The following ERICH5 variants were observed in gnomAD, a reference collection of about 807,000 sequenced individuals.
The protein encoded by ERICH5 is glutamate-rich protein 5.
Under a neutral mutation model 28.0 loss-of-function variants are expected in ERICH5, and 24 were observed. That is an observed-to-expected ratio of 0.86 (90% CI 0.62 to 1.21). The LOEUF (loss-of-function observed/expected upper bound fraction) is 1.21, where lower values mean the gene tolerates loss of function less well. ERICH5 is among the 50% of genes most tolerant of loss of function. ERICH5 has a pLI of 0.00. For synonymous variants in ERICH5, 163 were observed against 157.6 expected (o/e 1.03, Z -0.25); for missense variants, 421 against 441.2 (o/e 0.95, Z 0.41).
At chr8:98,091,883 T>TC (rs879605573) in intron 2 of ERICH5, among the ~76,000 whole-genome samples, 1,816 of 90,632 alleles carry the variant, frequency 0.02, 21 homozygotes, top group Admixed American at 0.03. Flanking sequence ...TTTCTTTCTT[T>TC]CTTTCTTTCT....
chr8:98,092,007 C>CTTCCTTCCTTCCTTCCTTCCTTCCTTCT (rs1815418044), intron 2 of ERICH5, among the ~76,000 whole-genome samples: 1 of 135,356 alleles, frequency 7.4e-6, no homozygotes, highest in South Asian at 2.5e-4. Flanking sequence ...TCCTTCCTTC[C>CTTCCTTCCTTCCTTCCTTCCTTCCTTCT]TTCCTTCCTT....
intron 2 of ERICH5, among the ~76,000 whole-genome samples, chr8:98,090,999 G>A (rs575781658): frequency 1.2e-4 from 18 of 152,184 alleles, no homozygotes; most frequent in African/African-American, 4.3e-4. Flanking sequence ...GTGCAGTGAA[G>A]TGATCTCGGC....
At chr8:98,066,854 C>G (rs767694473) in intron 1 of ERICH5, among the ~76,000 whole-genome samples, 1 of 152,204 alleles carries the variant, frequency 6.6e-6, no homozygotes, top group Non-Finnish European at 1.5e-5. Context: ...CACCTTGCAA[C>G]TTCTTTAAAT....
In ERICH5 at chr8:98,070,660, C is replaced by CAAAAAAAAAAAAAAAAAAAAA. The variant is rs769042472; in HGVS notation, c.58+5935_58+5955dup. On this transcript the variant is annotated intron_variant, in intron 1 of 2. Coordinates refer to ENST00000318528, the MANE Select transcript of ERICH5 (RefSeq NM_173549.3). ...GGGCAACAAGAGTGAAACTGCATCT[C>CAAAAAAAAAAAAAAAAAAAAA]AAAAAAAAAAAAAAAAAAAAAAGAA... Among the ~76,000 whole-genome samples the CAAAAAAAAAAAAAAAAAAAAA allele has an allele frequency of 2.2e-3, 87 of 38,734 alleles. 2 individuals are homozygous for CAAAAAAAAAAAAAAAAAAAAA. Among genetic ancestry groups the CAAAAAAAAAAAAAAAAAAAAA allele is most frequent in the Non-Finnish European group, 3.6e-3 (70 of 19,420 alleles). The allele number at this position is 38,734 out of a possible 152,430, so 25.4% of individuals were successfully genotyped here. A position where few individuals can be genotyped will look rare whatever the true frequency, so the allele number is the denominator to read the frequency against.
intron 1 of ERICH5, among the ~76,000 whole-genome samples, chr8:98,070,950 G>A (rs1372433745): frequency 1.3e-5 from 2 of 152,114 alleles, no homozygotes; most frequent in Non-Finnish European, 2.9e-5. Context: ...GTAAAACAAC[G>A]CTTGATTGTC....
At chr8:98,087,281 C>G (rs1179742169) in intron 1 of ERICH5, among the ~76,000 whole-genome samples, 3 of 152,052 alleles carry the variant, frequency 2.0e-5, no homozygotes, top group South Asian at 4.2e-4. Flanking sequence ...TCCAAAACAG[C>G]TAAAAGAATT....
intron 1 of ERICH5, among the ~76,000 whole-genome samples, chr8:98,071,794 C>A (rs774928774): frequency 6.6e-6 from 1 of 152,102 alleles, no homozygotes; most frequent in African/African-American, 2.4e-5. Flanking sequence ...GAATTGCCTT[C>A]GGGCTCTCAA....
intron 1 of ERICH5, among the ~76,000 whole-genome samples, chr8:98,077,264 T>A (rs1295906750): frequency 6.6e-6 from 1 of 152,154 alleles, no homozygotes; most frequent in Non-Finnish European, 1.5e-5. Flanking sequence ...AGGAGCATGG[T>A]GGCAAGTCCT....
intron 1 of ERICH5, among the ~76,000 whole-genome samples, chr8:98,070,753 G>A (rs1814902686): frequency 6.6e-6 from 1 of 151,612 alleles, no homozygotes; most frequent in African/African-American, 2.4e-5. Flanking sequence ...TGAGTAGATG[G>A]ATGGGTGAAT....
chr8:98,091,872 C>CTTTTTCTT (rs1199012274), intron 2 of ERICH5, among the ~76,000 whole-genome samples: 1 of 88,546 alleles, frequency 1.1e-5, no homozygotes, highest in East Asian at 3.4e-4. Flanking sequence ...TTCTTTCTTT[C>CTTTTTCTT]TTTCTTTCTT....
chr8:98,091,917 C>CCT (rs1815408459), intron 2 of ERICH5, among the ~76,000 whole-genome samples: 5 of 71,032 alleles, frequency 7.0e-5, no homozygotes, highest in South Asian at 5.3e-4. Context: ...TTCTTTCTTT[C>CCT]TTCCTTTCTT....
chr8:98,090,786 T>G (rs1328296158), intron 2 of ERICH5, among the ~76,000 whole-genome samples: 1 of 152,136 alleles, frequency 6.6e-6, no homozygotes, highest in Non-Finnish European at 1.5e-5. Context: ...GTGTTCTTTA[T>G]TGGTGTTATA....
At chr8:98,073,403 C>CTCTCTCTCTCTCTCTCTCTCTCTCT (rs1814956725) in intron 1 of ERICH5, among the ~76,000 whole-genome samples, 4 of 26,848 alleles carry the variant, frequency 1.5e-4, no homozygotes, top group African/African-American at 2.3e-4. Context: ...ATAGTGAGAC[C>CTCTCTCTCTCTCTCTCTCTCTCTCT]CTCTCTCTCT....
chr8:98,088,987 T>C, intron 1 of ERICH5, 89 bp from the exon 2 acceptor site: 2 of 981,078 alleles, frequency 2.0e-6, no homozygotes, highest in East Asian at 2.6e-5. Flanking sequence ...TTAAATCTAC[T>C]TTGTGATGTC....
intron 1 of ERICH5, among the ~76,000 whole-genome samples, chr8:98,080,658 C>CCTCCTT (rs995629056): frequency 8.0e-5 from 12 of 150,562 alleles, no homozygotes; most frequent in African/African-American, 2.2e-4. Flanking sequence ...TTCTTCTTCT[C>CCTCCTT]CTCCTTCTCC....
At chr8:98,085,442 CG>C (rs781059466) in intron 1 of ERICH5, among the ~76,000 whole-genome samples, 6 of 151,996 alleles carry the variant, frequency 3.9e-5, no homozygotes, top group Non-Finnish European at 8.8e-5. Context: ...GGATTACAGG[CG>C]TGAGCCACCG....
At chr8:98,087,675 T>C (rs1257407354) in intron 1 of ERICH5, among the ~76,000 whole-genome samples, 2 of 152,026 alleles carry the variant, frequency 1.3e-5, no homozygotes, top group African/African-American at 4.8e-5. Flanking sequence ...ATAAAATTGA[T>C]AGCTAACTTG....
intron 1 of ERICH5, among the ~76,000 whole-genome samples, chr8:98,070,394 C>A (rs1487986090): frequency 6.6e-6 from 1 of 151,284 alleles, no homozygotes; most frequent in Non-Finnish European, 1.5e-5. Flanking sequence ...CAGTGGCTTA[C>A]CCCTGTAATC....
intron 1 of ERICH5, 124 bp from the exon 2 acceptor site, chr8:98,088,952 A>C: frequency 7.2e-6 from 5 of 691,206 alleles, no homozygotes; most frequent in South Asian, 1.9e-5. Flanking sequence ...CTGTACTCAG[A>C]TATATTTGGA....
Sources: gnomAD v4.1 joint callset for allele counts (sites outside exome capture counted in the v4.1 genomes callset) on GRCh38, gnomAD v4.1.1 for gene constraint, MANE v1.5 for transcripts, NCBI Gene and HGNC (gene_info 2026-07-23, HGNC 2026-07-21) for gene names.